The following NME7 variants were observed in gnomAD, a reference collection of about 807,000 sequenced individuals.
The protein encoded by NME7 is nucleoside diphosphate kinase 7.
NME7 carries 41 observed loss-of-function variants against 49.1 expected under a neutral mutation model. That is an observed-to-expected ratio of 0.83 (90% CI 0.65 to 1.08). The LOEUF (loss-of-function observed/expected upper bound fraction) is 1.08, where lower values mean the gene tolerates loss of function less well. NME7 is among the 50% of genes least tolerant of loss of function. The pLI is 0.00. For synonymous variants in NME7, 139 were observed against 150.6 expected (o/e 0.92, Z 0.56); for missense variants, 423 against 463.4 (o/e 0.91, Z 0.80).
intron 5 of NME7, 49 bp downstream of exon 5, chr1:169,303,096 C>A: frequency 8.0e-7 from 1 of 1,252,916 alleles, no homozygotes; most frequent in Non-Finnish European, 1.1e-6. Context: ...CCATAGTTTT[C>A]TAGGATATCC....
chr1:169,206,287 GA>G (rs1660673970), intron 10 of NME7, among the ~76,000 whole-genome samples: 1 of 152,084 alleles, frequency 6.6e-6, no homozygotes, highest in South Asian at 2.1e-4. Flanking sequence ...TAAGTCCCCA[GA>G]AAATATTTGA....
At chr1:169,302,424 A>G (rs1650985723) in intron 5 of NME7, 1 of 152,258 alleles carries the variant, frequency 6.6e-6, no homozygotes, top group Non-Finnish European at 1.5e-5. Context: ...CCATGCTGCA[A>G]TAAAAAAGAA....
intron 10 of NME7, among the ~76,000 whole-genome samples, chr1:169,211,550 T>C (rs1213959350): frequency 6.6e-6 from 1 of 152,188 alleles, no homozygotes; most frequent in Non-Finnish European, 1.5e-5. Flanking sequence ...AGAATACTTT[T>C]CTATTTAATT....
chr1:169,299,907 C>A lies in NME7; in HGVS notation c.441-1144G>T, dbSNP rs867610176. On this transcript the variant is annotated intron_variant, in intron 5 of 11. Transcript: ENST00000367811. ...ATCAAAGGAGCAAACCATGTTTATT[C>A]ACTCAATAAGCATTTAATAATTGCC... Among the ~76,000 whole-genome samples, 10 of 152,120 alleles carry A rather than the reference C, an allele frequency of 6.6e-5. No individual in the cohort carries two copies. The East Asian group carries it at 1.2e-3, about 18-fold the overall frequency.
At chr1:169,328,045 T>C (rs968483510) in intron 1 of NME7, among the ~76,000 whole-genome samples, 1 of 152,192 alleles carries the variant, frequency 6.6e-6, no homozygotes, top group African/African-American at 2.4e-5. Context: ...CTGGTACTAC[T>C]AGCATGCTGA....
At chr1:169,279,675 G>A (rs898491139) in intron 7 of NME7, among the ~76,000 whole-genome samples, 5 of 152,148 alleles carry the variant, frequency 3.3e-5, no homozygotes, top group East Asian at 3.8e-4. Context: ...TTCGGCTCGC[G>A]CATGATGCGC....
intron 1 of NME7, among the ~76,000 whole-genome samples, chr1:169,359,266 T>C (rs1382992685): frequency 6.6e-6 from 1 of 152,138 alleles, no homozygotes; most frequent in East Asian, 1.9e-4. Flanking sequence ...TTGTATTTTT[T>C]ATCATTGTAT....
chr1:169,242,203 G>C (rs904345059), intron 7 of NME7, among the ~76,000 whole-genome samples: 1 of 151,840 alleles, frequency 6.6e-6, no homozygotes, highest in Non-Finnish European at 1.5e-5. Context: ...ATGACCAAGA[G>C]ACGTTAATTT....
chr1:169,211,422 A>G (rs1660814210), intron 10 of NME7, among the ~76,000 whole-genome samples: 1 of 152,190 alleles, frequency 6.6e-6, no homozygotes, highest in Non-Finnish European at 1.5e-5. Flanking sequence ...AATACAAGTA[A>G]TCATGATATA....
intron 3 of NME7, 145 bp from the exon 4 acceptor site, chr1:169,310,225 C>T: frequency 1.9e-6 from 1 of 530,820 alleles, no homozygotes; most frequent in Non-Finnish European, 3.2e-6. Context: ...TAAAGACATC[C>T]CTTAAAAACT....
At chr1:169,260,581 A>AG (rs1649128716) in intron 7 of NME7, among the ~76,000 whole-genome samples, 1 of 130,366 alleles carries the variant, frequency 7.7e-6, no homozygotes. Flanking sequence ...CTTGGGTAGA[A>AG]GAAAAAAAAA....
intron 10 of NME7, among the ~76,000 whole-genome samples, chr1:169,201,482 T>C (rs1660549014): frequency 6.6e-6 from 1 of 152,018 alleles, no homozygotes; most frequent in Non-Finnish European, 1.5e-5. Flanking sequence ...GGTTATGGTA[T>C]AAAACAGTCG....
chr1:169,351,640 T>C (rs894858005), intron 1 of NME7, among the ~76,000 whole-genome samples: 6 of 151,066 alleles, frequency 4.0e-5, no homozygotes, highest in African/African-American at 1.5e-4. Flanking sequence ...AAACAAAAAG[T>C]TGGTTCCTTG....
intron 1 of NME7, among the ~76,000 whole-genome samples, chr1:169,326,357 A>G (rs1422913427): frequency 6.6e-6 from 1 of 152,234 alleles, no homozygotes; most frequent in Non-Finnish European, 1.5e-5. Context: ...GAAAAGTAGG[A>G]TATCAAAGAT....
chr1:169,346,643 T>C (rs1339274990), intron 1 of NME7, among the ~76,000 whole-genome samples: 1 of 152,218 alleles, frequency 6.6e-6, no homozygotes, highest in African/African-American at 2.4e-5. Flanking sequence ...ATGTATACTA[T>C]ACTTCATATG....
At chr1:169,352,643 GAT>G (rs1402944213) in intron 1 of NME7, among the ~76,000 whole-genome samples, 2 of 152,066 alleles carry the variant, frequency 1.3e-5, no homozygotes, top group African/African-American at 4.8e-5. Context: ...GTTTGCAGAT[GAT>G]ATGAGCTTAC....
chr1:169,158,847 A>C (rs568452358), intron 11 of NME7, among the ~76,000 whole-genome samples: 22 of 152,194 alleles, frequency 1.4e-4, no homozygotes, highest in Admixed American at 3.9e-4. Context: ...ACACATAAGA[A>C]CCACTGCACT....
chr1:169,189,239 T>C (rs890188118), intron 10 of NME7, among the ~76,000 whole-genome samples: 1 of 152,216 alleles, frequency 6.6e-6, no homozygotes. Context: ...AGTTAACTTA[T>C]ACATATTAAC....
chr1:169,157,574 C>A (rs931009665), intron 11 of NME7, among the ~76,000 whole-genome samples: 2 of 152,332 alleles, frequency 1.3e-5, no homozygotes, highest in Admixed American at 6.5e-5. Context: ...GACTTCCCCC[C>A]AAAAAATCTG....
Sources: gnomAD v4.1 joint callset for allele counts (sites outside exome capture counted in the v4.1 genomes callset) on GRCh38, gnomAD v4.1.1 for gene constraint, MANE v1.5 for transcripts, NCBI Gene and HGNC (gene_info 2026-07-23, HGNC 2026-07-21) for gene names.